The following TEX26 variants were observed in gnomAD, a reference collection of about 807,000 sequenced individuals.
TEX26 encodes testis-expressed protein 26.
In TEX26, 34 loss-of-function variants were observed where a neutral mutation model predicts 35.3. The observed-to-expected ratio is 0.96, with a 90% CI of 0.73 to 1.28. The LOEUF (loss-of-function observed/expected upper bound fraction) is 1.28. Among genes scored for constraint, TEX26 ranks in the 50% most tolerant of loss-of-function variants. The pLI is 0.00. For synonymous variants in TEX26, 136 were observed against 111.8 expected, an observed-to-expected ratio of 1.22 and a Z score of -1.36; for missense variants, 371 against 330.1, an observed-to-expected ratio of 1.12 and a Z score of -0.96.
intron 2 of TEX26, among the ~76,000 whole-genome samples, chr13:30,950,528 G>A (rs76674912): frequency 0.011 from 1,693 of 152,264 alleles, 35 homozygotes; most frequent in African/African-American, 0.039. Flanking sequence ...AATGTGGCAG[G>A]AAAGGAGTCA....
intron 1 of TEX26, among the ~76,000 whole-genome samples, chr13:30,937,650 T>A (rs1953324024): frequency 6.6e-6 from 1 of 152,006 alleles, no homozygotes; most frequent in East Asian, 1.9e-4. Flanking sequence ...AAAGAAGGAG[T>A]ATTGGAGAAT....
rs1954632990 is a variant in TEX26, at chr13:30,969,027, T to C, written c.789T>C (p.Leu263=). The C allele has an allele frequency of 1.2e-6, 2 of 1,613,540 alleles. No homozygotes were observed. Among genetic ancestry groups the C allele is most frequent in the Admixed American group, 3.3e-5 (2 of 59,966 alleles). The change falls in exon 6 of 7, where the codon CTT becomes CTC. Residue 263 remains leucine, a synonymous_variant. Transcript: ENST00000380473. ...CTTCCTCTCAAGTCAAAGAGTACCTTCAGAGTCTTTCCTACAAAGGTAAGA... is the reference window on the plus strand; with the variant it reads ...CTTCCTCTCAAGTCAAAGAGTACCTCCAGAGTCTTTCCTACAAAGGTAAGA... ...SFTSSQVKEY[L]QSLSYKDRQI...
At chr13:30,956,733 G>A (rs1954145940) in intron 3 of TEX26, 140 bp from the exon 4 acceptor site, 10 of 706,072 alleles carry the variant, frequency 1.4e-5, no homozygotes, top group East Asian at 5.4e-5. Flanking sequence ...TCCTGTTGAC[G>A]GGCTCCCAGC....
At position 30,974,924 on chromosome 13, in the gene TEX26, A is replaced by G. The variant is rs766791963; in HGVS notation, c.*17A>G. Reference sequence around the variant, plus strand: ...AAGAAATGAAAAGGGAAAATAGTACAAATGAAGAAAATCTGAAAATCAATG... The same window carrying G: ...AAGAAATGAAAAGGGAAAATAGTACGAATGAAGAAAATCTGAAAATCAATG... On this transcript the variant is annotated 3_prime_UTR_variant, in exon 7 of 7. Coordinates refer to ENST00000380473, the MANE Select transcript of TEX26 (RefSeq NM_152325.3). The G allele has an allele frequency of 1.1e-4, 167 of 1,501,806 alleles. No individual in the cohort carries two copies. Among genetic ancestry groups the G allele is most frequent in the Non-Finnish European group, 1.5e-4 (162 of 1,110,798 alleles). The allele number at this position is 1,501,806 out of a possible 1,614,324, so 93.0% of individuals were successfully genotyped here.
At chr13:30,949,275 CA>C (rs1373825841) in intron 2 of TEX26, among the ~76,000 whole-genome samples, 1 of 152,022 alleles carries the variant, frequency 6.6e-6, no homozygotes, top group African/African-American at 2.4e-5. Context: ...AATCCTAAGC[CA>C]AAATACAGAC....
intron 3 of TEX26, among the ~76,000 whole-genome samples, chr13:30,956,109 C>CA (rs2138270798): frequency 6.6e-6 from 1 of 151,858 alleles, no homozygotes; most frequent in East Asian, 1.9e-4. Context: ...TGGTGTGCTG[C>CA]ACCCATTAAC....
intron 5 of TEX26, 93 bp downstream of exon 5, chr13:30,966,491 G>A: frequency 8.4e-7 from 1 of 1,196,584 alleles, no homozygotes; most frequent in African/African-American, 1.7e-5. Context: ...AGGCTGGAGT[G>A]CAGTGGCACA....
chr13:30,967,866 G>A (rs1001696254), intron 5 of TEX26, among the ~76,000 whole-genome samples: 1 of 152,122 alleles, frequency 6.6e-6, no homozygotes, highest in East Asian at 1.9e-4. Flanking sequence ...AGTCCAAATG[G>A]ACAATGAGCG....
At chr13:30,969,146 C>G in intron 6 of TEX26, 100 bp downstream of exon 6, 1 of 906,918 alleles carries the variant, frequency 1.1e-6, no homozygotes, top group Non-Finnish European at 1.5e-6. Flanking sequence ...TGAATGCCCA[C>G]AAAAATGAAA....
Position 30,968,976 on chromosome 13 carries a change from T to A in TEX26, c.738T>A (p.Asp246Glu). ...GTGACTACGACAAAACCTACCCAGA[T>A]TTCTTAATGCTTTTAAACTCATTTA... ...YQSDYDKTYPDFLMLLNSFTS... is the reference protein window; with the variant it reads ...YQSDYDKTYPEFLMLLNSFTS... The change falls in exon 6 of 7, where the codon GAT becomes GAA. Residue 246 changes from aspartate to glutamate, a missense_variant. Physicochemically the swap from Asp to Glu is conservative, Grantham distance 45. Coordinates refer to ENST00000380473, the MANE Select transcript of TEX26 (RefSeq NM_152325.3). The A allele has an allele frequency of 6.2e-7, 1 of 1,614,110 alleles. No homozygotes were observed. The highest frequency in any genetic ancestry group is 1.1e-5 in the South Asian group (1 of 91,072).
intron 2 of TEX26, among the ~76,000 whole-genome samples, chr13:30,943,258 T>C (rs1261060043): frequency 6.6e-6 from 1 of 152,066 alleles, no homozygotes; most frequent in East Asian, 1.9e-4. Flanking sequence ...TTTGCAGCTG[T>C]TGTACAACGG....
chr13:30,938,331 T>A (rs1444201090), intron 1 of TEX26, among the ~76,000 whole-genome samples: 1 of 152,224 alleles, frequency 6.6e-6, no homozygotes, highest in Non-Finnish European at 1.5e-5. Flanking sequence ...TCTGTTGTTG[T>A]TGTAACAGAA....
intron 2 of TEX26, among the ~76,000 whole-genome samples, chr13:30,942,231 G>T: frequency 6.6e-6 from 1 of 152,030 alleles, no homozygotes; most frequent in Non-Finnish European, 1.5e-5. Flanking sequence ...GGAGTGGGGT[G>T]GTATCTCATT....
At position 30,956,993 on chromosome 13, in the gene TEX26, T is replaced by C. The variant is rs770433691; in HGVS notation, c.433T>C (p.Ser145Pro). Residue 145 changes from serine to proline, a missense_variant, in exon 4 of 7, where the codon TCC becomes CCC. By Grantham distance (74) the Ser-to-Pro change is moderately conservative. Transcript: ENST00000380473. ...VNKALSNQFI[S>P]LTKRDFVDRS... is the part of the protein sequence containing the mutation. ...CAAGGCACTATCAAATCAGTTTATT[T>C]CCCTTACTAAGAGAGACTTTGTGGA... The C allele has an allele frequency of 1.2e-6, 2 of 1,614,234 alleles. No individual in the cohort carries two copies. The highest frequency in any genetic ancestry group is 2.2e-5 in the South Asian group (2 of 91,082).
intron 1 of TEX26, chr13:30,937,056 A>G: frequency 1.1e-6 from 1 of 929,196 alleles, no homozygotes; most frequent in Non-Finnish European, 1.3e-6. Context: ...AGATGTACCA[A>G]AGATCAAGTG....
rs181144550 is a variant in TEX26, at chr13:30,944,438, A to G, written c.146+4660A>G. On this transcript the variant is annotated intron_variant, in intron 2 of 6. Coordinates refer to ENST00000380473, the MANE Select transcript of TEX26 (RefSeq NM_152325.3). ...TTCATTGATTTTTTTTTGCTGTTTAATTTCATTTTGTTCTTCTCCGATCTT... is the reference window on the plus strand; with the variant it reads ...TTCATTGATTTTTTTTTGCTGTTTAGTTTCATTTTGTTCTTCTCCGATCTT... Among the ~76,000 whole-genome samples, 249 of 150,972 alleles carry G rather than the reference A, an allele frequency of 1.6e-3. 1 individual carries two copies. The highest frequency in any genetic ancestry group is 5.6e-3 in the African/African-American group (229 of 41,246).
chr13:30,950,760 A>T (rs1008896978), intron 2 of TEX26, among the ~76,000 whole-genome samples: 5 of 152,200 alleles, frequency 3.3e-5, no homozygotes, highest in African/African-American at 4.8e-5. Context: ...AGCCCAGACA[A>T]GTGGTTCCAA....
intron 6 of TEX26, among the ~76,000 whole-genome samples, chr13:30,969,615 A>G (rs1398311958): frequency 1.3e-5 from 2 of 152,166 alleles, no homozygotes; most frequent in Non-Finnish European, 2.9e-5. Flanking sequence ...AGAGTGTATA[A>G]AATGTGAACT....
At chr13:30,959,687 GTAC>G (rs1373266484) in intron 4 of TEX26, among the ~76,000 whole-genome samples, 3 of 151,738 alleles carry the variant, frequency 2.0e-5, no homozygotes, top group Non-Finnish European at 4.4e-5. Context: ...ATACTTTGTT[GTAC>G]ACTTACCAAA....
Sources: allele counts gnomAD v4.1 joint callset (sites outside exome capture counted in the v4.1 genomes callset), GRCh38; gene constraint gnomAD v4.1.1; transcripts MANE v1.5; gene names NCBI Gene and HGNC (gene_info 2026-07-23, HGNC 2026-07-21).